Variants in HSPA4L observed in about 807,000 individuals in gnomAD.
HSPA4L encodes heat shock 70 kDa protein 4L.
A neutral mutation model predicts 100.3 loss-of-function variants in HSPA4L; 48 were observed. That is an observed-to-expected ratio of 0.48 (90% CI 0.38 to 0.61). HSPA4L has a LOEUF of 0.61. Ranked by LOEUF, HSPA4L falls within the 20% of genes least tolerant of loss-of-function variation. The probability of loss-of-function intolerance (pLI) is 0.00; values close to 1 mark genes in which losing one functional copy is unlikely to be tolerated. For missense variants in HSPA4L, 886 were observed against 988.6 expected (o/e 0.90, Z 1.39); for synonymous variants, 319 against 328.2 (o/e 0.97, Z 0.30).
chr4:127,825,926 C>CAA (rs78623521), intron 16 of HSPA4L, among the ~76,000 whole-genome samples: 32 of 57,196 alleles, frequency 5.6e-4, no homozygotes, highest in African/African-American at 1.7e-3. Context: ...AACTCCATCT[C>CAA]AAAAAAAAAA....
chr4:127,827,308 T>TA lies in HSPA4L; in HGVS notation c.2051dup (p.Tyr684Ter). The TA allele has an allele frequency of 1.2e-6, 2 of 1,602,856 alleles. No individual in the cohort carries two copies. The highest frequency in any genetic ancestry group is 1.7e-6 in the Non-Finnish European group (2 of 1,176,462). ...TAAAAATTTCTTATGTTAACAGAAA[T>TA]ACGGCCAGCCTATTCAAATGAAGTA... is the stretch of plus-strand genomic sequence containing the variant. Reference protein sequence around the residue: ...YVDKLQELKKYGQPIQMKYME... With the variant: ...YVDKLQELKK The change falls in exon 17 of 19, where the codon TAC (tyrosine) becomes TAAC (stop). Residue 684 changes from tyrosine (Y) to a stop codon, truncating the protein, a stop_gained and frameshift_variant. Coordinates refer to ENST00000296464, the MANE Select transcript of HSPA4L (RefSeq NM_014278.4). LOFTEE classifies it high-confidence loss of function.
Position 127,815,985 on chromosome 4 carries a change from C to T in HSPA4L, c.1579-2340C>T, listed in dbSNP as rs573441845. On this transcript the variant is annotated intron_variant, in intron 12 of 18. Transcript: ENST00000296464. The stretch of plus-strand genomic sequence containing the variant: ...ACTGAGACAGGAAGGCCTTCTTTTT[C>T]GTTGTTGTAACAAATAGAAGAGTGG... Among the ~76,000 whole-genome samples, 18 of 152,074 alleles carry T rather than the reference C, an allele frequency of 1.2e-4. No individual in the cohort carries two copies. The East Asian group carries it at 2.7e-3, about 23-fold the overall frequency.
Position 127,823,574 on chromosome 4 carries a change from G to A in HSPA4L, c.1996G>A (p.Gly666Arg), listed in dbSNP as rs376346224. The A allele has an allele frequency of 3.5e-5, 57 of 1,613,606 alleles. No individual in the cohort carries two copies. The highest frequency in any genetic ancestry group is 4.2e-5 in the Non-Finnish European group (49 of 1,179,692). ...EDTENWLYED[G>R]EDQPKQVYVD... is the part of the protein sequence containing the mutation. The stretch of plus-strand genomic sequence containing the variant: ...CACAGAAAATTGGCTTTATGAAGAC[G>A]GAGAGGACCAACCTAAACAAGTTTA... The change falls in exon 16 of 19, where the codon GGA becomes AGA. Residue 666 changes from glycine to arginine, a missense_variant. Transcript: ENST00000296464.
intron 1 of HSPA4L, among the ~76,000 whole-genome samples, chr4:127,788,948 G>T (rs142283661): frequency 6.6e-6 from 1 of 152,290 alleles, no homozygotes; most frequent in Non-Finnish European, 1.5e-5. Flanking sequence ...GAGTAATTGT[G>T]ATTTTATGGA....
At chr4:127,813,974 G>A (rs1733609360) in intron 12 of HSPA4L, among the ~76,000 whole-genome samples, 1 of 151,912 alleles carries the variant, frequency 6.6e-6, no homozygotes, top group South Asian at 2.1e-4. Flanking sequence ...TTTCTGCTGA[G>A]ACCTTTAATT....
rs1466634085 is a variant in HSPA4L at position 127,839,550 on chromosome 4, G to A, written c.*6676G>A. 1.3e-5 allele frequency: 2 copies of A among 151,806 alleles called. No individual in the cohort carries two copies. The highest frequency in any genetic ancestry group is 2.9e-5 in the Non-Finnish European group (2 of 68,020). 9.4% of individuals were successfully genotyped at this position (151,806 alleles called of 1,614,324 possible). A position where few individuals can be genotyped will look rare whatever the true frequency, so the allele number is the denominator to read the frequency against. Reference sequence around the variant, plus strand: ...ATTTCTAAAATAGAAAAATTTAGCCGGGTGTGGTGGTGTGTGCCTATAGTC... The same window carrying A: ...ATTTCTAAAATAGAAAAATTTAGCCAGGTGTGGTGGTGTGTGCCTATAGTC... On this transcript the variant is annotated 3_prime_UTR_variant, in exon 19 of 19. Transcript: ENST00000296464.
intron 11 of HSPA4L, among the ~76,000 whole-genome samples, chr4:127,810,898 A>G (rs967280105): frequency 7.9e-5 from 12 of 152,112 alleles, no homozygotes; most frequent in Non-Finnish European, 1.6e-4. Flanking sequence ...TTCTATAGAT[A>G]ATATATATAT....
rs1038969816 is a variant in HSPA4L, at chr4:127,837,696, A to C, written c.*4822A>C. On this transcript the variant is annotated 3_prime_UTR_variant, in exon 19 of 19. Transcript: ENST00000296464. ...AATTTCTTTTGATAAAAAGTAACAAAAATTTAATGCAGATCAAAGACCAAG... is the reference window on the plus strand; with the variant it reads ...AATTTCTTTTGATAAAAAGTAACAACAATTTAATGCAGATCAAAGACCAAG... The C allele has an allele frequency of 6.6e-6, 1 of 152,224 alleles. No individual in the cohort carries two copies. The highest frequency in any genetic ancestry group is 1.5e-5 in the Non-Finnish European group (1 of 68,036). 9.4% of individuals were successfully genotyped at this position (152,224 alleles called of 1,614,324 possible).
chr4:127,782,616 C>A lies in HSPA4L; in HGVS notation c.66C>A (p.Gly22=), dbSNP rs377427784. ...NCYIAVARSG[G]IETIANEYSD... is the part of the protein sequence containing the mutation. ...ACATTGCTGTCGCGAGAAGTGGCGG[C>A]ATCGAGACCATCGCCAATGAGTACA... The change falls in exon 1 of 19, where the codon GGC becomes GGA. Residue 22 remains glycine (G), a synonymous_variant. Coordinates refer to ENST00000296464, the MANE Select transcript of HSPA4L (RefSeq NM_014278.4). 1 of 1,613,966 alleles carries A rather than the reference C, an allele frequency of 6.2e-7. No homozygotes were observed. Among genetic ancestry groups the A allele is most frequent in the South Asian group, 1.1e-5 (1 of 91,020 alleles).
intron 12 of HSPA4L, among the ~76,000 whole-genome samples, chr4:127,812,458 T>C (rs1469285789): frequency 3.3e-5 from 5 of 150,688 alleles, no homozygotes. Context: ...TATTAAAGAG[T>C]TATGTGACCT....
At position 127,837,331 on chromosome 4, in the gene HSPA4L, G is replaced by A. The variant is rs1227848783; in HGVS notation, c.*4457G>A. On this transcript the variant is annotated 3_prime_UTR_variant, in exon 19 of 19. Coordinates refer to ENST00000296464, the MANE Select transcript of HSPA4L (RefSeq NM_014278.4). Reference sequence around the variant, plus strand: ...AACTGTAAGCAGAATTTTGTTTTGTGATATTTTATTGTATAAACTGTTAAT... The same window carrying A: ...AACTGTAAGCAGAATTTTGTTTTGTAATATTTTATTGTATAAACTGTTAAT... The A allele has an allele frequency of 1.3e-5, 2 of 152,164 alleles. No individual in the cohort carries two copies. Among genetic ancestry groups the A allele is most frequent in the African/African-American group, 4.8e-5 (2 of 41,436 alleles). 9.4% of individuals were successfully genotyped at this position (152,164 alleles called of 1,614,324 possible).
Position 127,823,615 on chromosome 4 carries a change from A to C in HSPA4L, c.2037A>C (p.Gln679His). Residue 679 changes from glutamine (Q) to histidine (H), a missense_variant, in exon 16 of 19, where the codon CAA becomes CAC. Gln to His is a conservative substitution (Grantham distance 24). Transcript: ENST00000296464. Reference sequence around the variant, plus strand: ...AACAAGTTTATGTGGATAAGCTTCAAGAACTAAAGGTACATTTTTTTAAAG... The same window carrying C: ...AACAAGTTTATGTGGATAAGCTTCACGAACTAAAGGTACATTTTTTTAAAG... ...QPKQVYVDKL[Q>H]ELKKYGQPIQ... The C allele has an allele frequency of 1.2e-6, 2 of 1,608,066 alleles. No individual in the cohort carries two copies. Among genetic ancestry groups the C allele is most frequent in the Non-Finnish European group, 1.7e-6 (2 of 1,174,734 alleles).
At chr4:127,831,499 A>AT (rs201169060) in intron 18 of HSPA4L, among the ~76,000 whole-genome samples, 3,120 of 130,442 alleles carry the variant, frequency 0.024, 152 homozygotes, top group East Asian at 0.22. Context: ...GACCTTGTCT[A>AT]TTAAAAAAAA....
intron 17 of HSPA4L, among the ~76,000 whole-genome samples, chr4:127,827,977 C>T (rs534716008): frequency 4.3e-4 from 65 of 152,046 alleles, no homozygotes; most frequent in African/African-American, 1.4e-3. Context: ...TAGATATAAC[C>T]GTAAAATTTG....
At position 127,798,659 on chromosome 4, in the gene HSPA4L, G is replaced by T; in HGVS notation, c.379G>T (p.Glu127Ter). 1 of 1,613,804 alleles carries T rather than the reference G, an allele frequency of 6.2e-7. No homozygotes were observed. Among genetic ancestry groups the T allele is most frequent in the Non-Finnish European group, 8.5e-7 (1 of 1,179,798 alleles). Residue 127 changes from glutamate to a stop codon, truncating the protein, a stop_gained, in exon 4 of 19, where the codon GAG becomes TAG. Transcript: ENST00000296464. LOFTEE classifies it high-confidence loss of function. ...TGGAATGCTGTTAGCCAAGCTTAAAGAGACTTCAGAAAATGCTTTGAAGAA... is the reference window on the plus strand; with the variant it reads ...TGGAATGCTGTTAGCCAAGCTTAAATAGACTTCAGAAAATGCTTTGAAGAA... ...VTGMLLAKLKETSENALKKPV... is the reference protein window; with the variant it reads ...VTGMLLAKLK
In HSPA4L at chr4:127,834,865, G is replaced by A. The variant is rs1374911113; in HGVS notation, c.*1991G>A. 1 of 152,022 alleles carries A rather than the reference G, an allele frequency of 6.6e-6. No homozygotes were observed. The highest frequency in any genetic ancestry group is 2.4e-5 in the African/African-American group (1 of 41,408). 9.4% of individuals were successfully genotyped at this position (152,022 alleles called of 1,614,324 possible). A position where few individuals can be genotyped will look rare whatever the true frequency, so the allele number is the denominator to read the frequency against. ...GTATATCCTGACATTTTCCATTCCT[G>A]CTCTGAAGTCACTTTTAGTTTTGTG... On this transcript the variant is annotated 3_prime_UTR_variant, in exon 19 of 19. Coordinates refer to ENST00000296464, the MANE Select transcript of HSPA4L (RefSeq NM_014278.4).
intron 1 of HSPA4L, among the ~76,000 whole-genome samples, chr4:127,788,561 T>C (rs1170626784): frequency 6.6e-6 from 1 of 152,248 alleles, no homozygotes; most frequent in Non-Finnish European, 1.5e-5. Context: ...CCAAGCTTAT[T>C]TGAACGTCTG....
intron 16 of HSPA4L, among the ~76,000 whole-genome samples, chr4:127,826,862 A>G (rs1169809716): frequency 1.3e-5 from 2 of 152,178 alleles, no homozygotes; most frequent in Non-Finnish European, 2.9e-5. Flanking sequence ...TAAATGTATA[A>G]ATAATATTTA....
intron 16 of HSPA4L, among the ~76,000 whole-genome samples, chr4:127,825,856 G>T (rs999594164): frequency 6.6e-6 from 1 of 151,270 alleles, no homozygotes; most frequent in African/African-American, 2.4e-5. Context: ...AACCCAGGAG[G>T]TGGAGGTTGC....
Sources: gnomAD v4.1 joint callset for allele counts (sites outside exome capture counted in the v4.1 genomes callset) on GRCh38, gnomAD v4.1.1 for gene constraint, MANE v1.5 for transcripts, NCBI Gene and HGNC (gene_info 2026-07-23, HGNC 2026-07-21) for gene names.